RTL4: variants seen among roughly 807,000 people sequenced by gnomAD.
RTL4 encodes the protein retrotransposon Gag like 4.
RTL4 carries 4 observed loss-of-function variants against 5.3 expected under a neutral mutation model. That is an observed-to-expected ratio of 0.75 (90% CI 0.37 to 1.72). The LOEUF (loss-of-function observed/expected upper bound fraction) is 1.72, where lower values mean the gene tolerates loss of function less well. Ranked by LOEUF, RTL4 falls within the 40% of genes most tolerant of loss-of-function variation. RTL4 has a pLI of 0.04. For missense variants in RTL4, 260 were observed against 227.1 expected, an observed-to-expected ratio of 1.14 and a Z score of -0.93; for synonymous variants, 98 against 87.3, an observed-to-expected ratio of 1.12 and a Z score of -0.68.
the RTL4 span, among the ~76,000 whole-genome samples, chrX:112,249,898 C>G: frequency 1.8e-5 from 2 of 109,451 alleles, no homozygotes; most frequent in Non-Finnish European, 3.8e-5. Context: ...TTGTAATGCC[C>G]CTGCAAGAGG....
the RTL4 span, among the ~76,000 whole-genome samples, chrX:112,424,091 C>T: frequency 3.6e-5 from 4 of 111,470 alleles, no homozygotes; most frequent in South Asian, 1.5e-3. Flanking sequence ...CAGAATCAAC[C>T]ATATAAATCC....
chrX:112,455,659 TA>T lies in RTL4; in HGVS notation c.933del (p.Ter311=), dbSNP rs776954923. The T allele has an allele frequency of 5.0e-6, 6 of 1,194,786 alleles. No homozygotes were observed. The highest frequency in any genetic ancestry group is 6.8e-6 in the Non-Finnish European group (6 of 885,299). ...AACGACAAATAACACAGCTCACCAG[TA>T]AGAGGAGACCAGGAAAGTCACTTTT... On this transcript the variant is annotated frameshift_variant and stop_lost, in exon 1 of 1. Transcript: ENST00000340433. LOFTEE classifies it high-confidence loss of function.
the RTL4 span, among the ~76,000 whole-genome samples, chrX:112,366,545 C>G: frequency 1.8e-5 from 2 of 111,704 alleles, no homozygotes; most frequent in Non-Finnish European, 3.8e-5. Context: ...AACTGTTCTG[C>G]TCTTTGGAGA....
the RTL4 span, among the ~76,000 whole-genome samples, chrX:112,125,230 G>A: frequency 9.0e-6 from 1 of 111,511 alleles, no homozygotes; most frequent in African/African-American, 3.3e-5. Flanking sequence ...ACTGAATTTA[G>A]TTAAATCTAG....
the RTL4 span, among the ~76,000 whole-genome samples, chrX:112,301,414 T>C: frequency 2.7e-5 from 3 of 112,416 alleles, no homozygotes; most frequent in East Asian, 8.4e-4. Flanking sequence ...GATTGGCACA[T>C]AGTAAATGCT....
chrX:112,184,326 A>G, the RTL4 span, among the ~76,000 whole-genome samples: 2 of 111,394 alleles, frequency 1.8e-5, no homozygotes, highest in Admixed American at 1.9e-4. Context: ...CGTTGTGCAC[A>G]TGTACCCTGG....
At chrX:112,341,202 T>C in the RTL4 span, among the ~76,000 whole-genome samples, 1 of 107,929 alleles carries the variant, frequency 9.3e-6, no homozygotes, top group East Asian at 2.9e-4. Flanking sequence ...GACAGTTAAG[T>C]GTGGCTAACA....
chrX:112,391,892 T>A, the RTL4 span, among the ~76,000 whole-genome samples: 1 of 110,953 alleles, frequency 9.0e-6, no homozygotes, highest in African/African-American at 3.3e-5. Context: ...GGGTCTTTTG[T>A]TGTCTCCTGG....
At chrX:112,205,786 T>C in the RTL4 span, among the ~76,000 whole-genome samples, 2 of 111,956 alleles carry the variant, frequency 1.8e-5, no homozygotes, top group Admixed American at 1.9e-4. Context: ...ATCTCTACCA[T>C]GTGTTAGCGG....
chrX:112,326,307 G>A, the RTL4 span, among the ~76,000 whole-genome samples: 3 of 111,734 alleles, frequency 2.7e-5, no homozygotes, highest in African/African-American at 9.8e-5. Flanking sequence ...CACCGTGCAT[G>A]AGCTGAAGCA....
chrX:112,162,534 C>T, the RTL4 span, among the ~76,000 whole-genome samples: 1,361 of 111,565 alleles, frequency 0.012, 19 homozygotes, highest in African/African-American at 0.041. Context: ...CTCCTGTCTA[C>T]AGTACTTTCC....
At chrX:112,246,528 G>A in the RTL4 span, among the ~76,000 whole-genome samples, 1 of 112,250 alleles carries the variant, frequency 8.9e-6, no homozygotes, top group Non-Finnish European at 1.9e-5. Context: ...GCTGAGCCAG[G>A]CATGGGATAT....
the RTL4 span, among the ~76,000 whole-genome samples, chrX:112,258,834 AT>A: frequency 1.8e-5 from 2 of 111,485 alleles, no homozygotes; most frequent in Non-Finnish European, 3.8e-5. Flanking sequence ...TATTTTTACA[AT>A]TTTATTTTTT....
chrX:112,327,207 C>T, the RTL4 span, among the ~76,000 whole-genome samples: 109 of 111,739 alleles, frequency 9.8e-4, no homozygotes, highest in African/African-American at 3.1e-3. Context: ...CAAATCACTC[C>T]GAGCTATGGG....
At chrX:112,206,438 C>G in the RTL4 span, among the ~76,000 whole-genome samples, 1 of 111,514 alleles carries the variant, frequency 9.0e-6, no homozygotes, top group African/African-American at 3.3e-5. Context: ...CTTACTCTAT[C>G]TGTCAGAAAC....
At chrX:112,247,121 G>T in the RTL4 span, among the ~76,000 whole-genome samples, 5 of 111,202 alleles carry the variant, frequency 4.5e-5, no homozygotes, top group Non-Finnish European at 9.4e-5. Context: ...AGTCCTCAAA[G>T]GTAAACAAAG....
the RTL4 span, among the ~76,000 whole-genome samples, chrX:112,312,334 C>T: frequency 9.0e-6 from 1 of 111,632 alleles, no homozygotes; most frequent in Non-Finnish European, 1.9e-5. Flanking sequence ...TAAATGACAG[C>T]TTGTCATTAA....
exon 1 of RTL4, chrX:112,455,462 T>G (rs770049789): frequency 8.3e-7 from 1 of 1,210,898 alleles, no homozygotes; most frequent in Non-Finnish European, 1.1e-6. Flanking sequence ...CAAGCCCTCT[T>G]TAGCCCCACA....
At chrX:112,237,060 G>C in the RTL4 span, among the ~76,000 whole-genome samples, 1 of 111,339 alleles carries the variant, frequency 9.0e-6, no homozygotes, top group Non-Finnish European at 1.9e-5. Flanking sequence ...GAAAAAGCAA[G>C]GAAAGGGATT....
Sources: gnomAD v4.1 joint callset for allele counts (sites outside exome capture counted in the v4.1 genomes callset) on GRCh38, gnomAD v4.1.1 for gene constraint, MANE v1.5 for transcripts, NCBI Gene and HGNC (gene_info 2026-07-23, HGNC 2026-07-21) for gene names.